The following GABRB2 variants were observed in gnomAD, a reference collection of about 807,000 sequenced individuals.
GABRB2 encodes gamma-aminobutyric acid receptor subunit beta-2.
Under a neutral mutation model 54.7 loss-of-function variants are expected in GABRB2, and 16 were observed. The ratio of observed to expected loss-of-function variants is 0.29; its 90% CI spans 0.20 to 0.44. The LOEUF (loss-of-function observed/expected upper bound fraction) is 0.44. GABRB2 is among the 20% of genes least tolerant of loss of function. The pLI is 1.00. For synonymous variants in GABRB2, 244 were observed against 233.8 expected (o/e 1.04, Z -0.40); for missense variants, 355 against 644.0 (o/e 0.55, Z 4.86).
chr5:161,417,078 CA>C (rs1000899009), intron 4 of GABRB2, among the ~76,000 whole-genome samples: 1 of 152,126 alleles, frequency 6.6e-6, no homozygotes, highest in African/African-American at 2.4e-5. Flanking sequence ...AACGTCACTT[CA>C]AAAAATTCTT....
At chr5:161,473,635 A>T (rs1346510479) in intron 3 of GABRB2, among the ~76,000 whole-genome samples, 3 of 151,996 alleles carry the variant, frequency 2.0e-5, no homozygotes, top group African/African-American at 7.2e-5. Context: ...ATTCTTAGGA[A>T]CAAAAATAGC....
chr5:161,463,332 C>T (rs1277370989), intron 3 of GABRB2, among the ~76,000 whole-genome samples: 1 of 150,168 alleles, frequency 6.7e-6, no homozygotes, highest in African/African-American at 2.5e-5. Flanking sequence ...CACACACACA[C>T]ACACACACAC....
chr5:161,328,986 T>C (rs935098070), intron 8 of GABRB2, among the ~76,000 whole-genome samples: 18 of 152,204 alleles, frequency 1.2e-4, no homozygotes, highest in African/African-American at 4.3e-4. Context: ...ACCAAGAGGA[T>C]AGGCTTTTCA....
intron 5 of GABRB2, among the ~76,000 whole-genome samples, chr5:161,388,615 A>C (rs1755720597): frequency 6.6e-6 from 1 of 152,012 alleles, no homozygotes; most frequent in Admixed American, 6.6e-5. Context: ...TAATCATTTA[A>C]GAATAATGAT....
rs371524446 is a variant in GABRB2 at position 161,539,448 on chromosome 5, T to C, written c.237+5779A>G. On this transcript the variant is annotated intron_variant, in intron 3 of 9. Coordinates refer to ENST00000393959, the MANE Select transcript of GABRB2 (RefSeq NM_001371727.1). Reference sequence around the variant, plus strand: ...ATTTAGGAGTTCTGCATTTTCCTCATGATTTTCTAGATTTTCAAATTTTCC... The same window carrying C: ...ATTTAGGAGTTCTGCATTTTCCTCACGATTTTCTAGATTTTCAAATTTTCC... 2.0e-5 allele frequency among the ~76,000 whole-genome samples: 3 copies of C among 152,338 alleles called. No individual in the cohort carries two copies. The South Asian group carries it at 6.2e-4, about 32-fold the overall frequency.
At chr5:161,348,213 C>G (rs1435861883) in intron 5 of GABRB2, among the ~76,000 whole-genome samples, 1 of 151,880 alleles carries the variant, frequency 6.6e-6, no homozygotes, top group Admixed American at 6.6e-5. Flanking sequence ...TCATAATTAC[C>G]ATGTTAGGAA....
intron 5 of GABRB2, among the ~76,000 whole-genome samples, chr5:161,392,676 A>G (rs1444689061): frequency 1.3e-5 from 2 of 152,220 alleles, no homozygotes; most frequent in Non-Finnish European, 2.9e-5. Context: ...TAACTACTTC[A>G]TATAAGCAAT....
chr5:161,464,081 C>CA (rs1303928348), intron 3 of GABRB2, among the ~76,000 whole-genome samples: 3 of 151,596 alleles, frequency 2.0e-5, no homozygotes, highest in African/African-American at 7.3e-5. Flanking sequence ...AGCAATAAAA[C>CA]AAAAAAATGA....
chr5:161,303,902 C>T (rs1274083327), intron 9 of GABRB2, among the ~76,000 whole-genome samples: 3 of 152,166 alleles, frequency 2.0e-5, no homozygotes, highest in African/African-American at 7.2e-5. Context: ...CAGTTTCAAT[C>T]CTCTAACTAT....
intron 5 of GABRB2, among the ~76,000 whole-genome samples, chr5:161,339,628 A>C (rs1754094688): frequency 6.6e-6 from 1 of 152,108 alleles, no homozygotes; most frequent in South Asian, 2.1e-4. Context: ...TATTCATTTT[A>C]CTAGGAAGTC....
At chr5:161,366,246 T>A (rs1349388407) in intron 5 of GABRB2, among the ~76,000 whole-genome samples, 1 of 151,970 alleles carries the variant, frequency 6.6e-6, no homozygotes, top group Non-Finnish European at 1.5e-5. Flanking sequence ...AAATGAAAAG[T>A]ATGACTGGCA....
intron 9 of GABRB2, among the ~76,000 whole-genome samples, chr5:161,318,241 T>G (rs1476414755): frequency 6.6e-6 from 1 of 152,020 alleles, no homozygotes; most frequent in Non-Finnish European, 1.5e-5. Flanking sequence ...TTTTGCAAGG[T>G]TAAGAATACT....
intron 5 of GABRB2, among the ~76,000 whole-genome samples, chr5:161,379,045 T>C (rs1470496432): frequency 6.6e-6 from 1 of 152,178 alleles, no homozygotes; most frequent in Admixed American, 6.5e-5. Context: ...AACTGCCTTC[T>C]CTTACTTTTT....
intron 4 of GABRB2, among the ~76,000 whole-genome samples, chr5:161,429,801 G>A (rs1757122740): frequency 6.6e-6 from 1 of 152,126 alleles, no homozygotes; most frequent in Non-Finnish European, 1.5e-5. Flanking sequence ...TATGACCTCT[G>A]TAGTATGAGG....
intron 3 of GABRB2, among the ~76,000 whole-genome samples, chr5:161,472,826 G>A (rs1398722636): frequency 6.6e-6 from 1 of 151,858 alleles, no homozygotes; most frequent in Non-Finnish European, 1.5e-5. Context: ...ATACCATCAG[G>A]AAGATTCTTT....
intron 3 of GABRB2, among the ~76,000 whole-genome samples, chr5:161,463,574 T>TATATATATATATATAG (rs1758190085): frequency 8.1e-6 from 1 of 123,508 alleles, no homozygotes; most frequent in African/African-American, 3.0e-5. Flanking sequence ...TATATATATA[T>TATATATATATATATAG]ATATATATAT....
intron 7 of GABRB2, 61 bp downstream of exon 7, chr5:161,334,691 A>G (rs1324925656): frequency 6.4e-7 from 1 of 1,562,726 alleles, no homozygotes; most frequent in Non-Finnish European, 8.8e-7. Flanking sequence ...AAACGCGTGC[A>G]TGCGAACACA....
rs371302704 is a variant in GABRB2 at position 161,438,428 on chromosome 5, C to A, written c.458+21196G>T. ...TGGAAAGCCTCCCCAAGAGAGACAG[C>A]TACAAATAAGTCCAGACACTGAAGA... On this transcript the variant is annotated intron_variant, in intron 4 of 9. Coordinates refer to ENST00000393959, the MANE Select transcript of GABRB2 (RefSeq NM_001371727.1). Among the ~76,000 whole-genome samples the A allele has an allele frequency of 3.3e-5, 5 of 152,246 alleles. No homozygotes were observed. The East Asian group carries it at 9.7e-4, about 30-fold the overall frequency.
At chr5:161,306,731 C>A (rs1757701518) in intron 9 of GABRB2, among the ~76,000 whole-genome samples, 2 of 151,408 alleles carry the variant, frequency 1.3e-5, no homozygotes, top group African/African-American at 4.9e-5. Flanking sequence ...ATTACTGAAT[C>A]CTGTGAGAAA....
Sources: gnomAD v4.1 joint callset for allele counts (sites outside exome capture counted in the v4.1 genomes callset) on GRCh38, gnomAD v4.1.1 for gene constraint, MANE v1.5 for transcripts, NCBI Gene and HGNC (gene_info 2026-07-23, HGNC 2026-07-21) for gene names.